The following UTS2 variants were observed in gnomAD, a reference collection of about 807,000 sequenced individuals.
The protein encoded by UTS2 is urotensin 2.
Under a neutral mutation model 12.6 loss-of-function variants are expected in UTS2, and 10 were observed. The ratio of observed to expected loss-of-function variants is 0.80; its 90% CI spans 0.49 to 1.35. The LOEUF (loss-of-function observed/expected upper bound fraction) is 1.35, where lower values mean the gene tolerates loss of function less well. Among genes scored for constraint, UTS2 ranks in the 40% most tolerant of loss-of-function variants. UTS2 has a pLI of 0.00. For missense variants in UTS2, 142 were observed against 143.2 expected (o/e 0.99, Z 0.04); for synonymous variants, 52 against 50.0 (o/e 1.04, Z -0.17).
At chr1:7,891,309 T>C in the UTS2 span, among the ~76,000 whole-genome samples, 9 of 152,076 alleles carry the variant, frequency 5.9e-5, no homozygotes, top group Non-Finnish European at 8.8e-5. Context: ...CCGGATCACC[T>C]GAGGTCAGGA....
chr1:7,904,915 A>AG, the UTS2 span, among the ~76,000 whole-genome samples: 32 of 150,446 alleles, frequency 2.1e-4, no homozygotes, highest in African/African-American at 7.8e-4. Flanking sequence ...AAAAAAAAAA[A>AG]AAAAAAAAAA....
chr1:7,870,314 G>A, the UTS2 span, among the ~76,000 whole-genome samples: 1 of 152,132 alleles, frequency 6.6e-6, no homozygotes. Context: ...GGAGAAGAAG[G>A]CATCTACAAG....
At chr1:7,912,528 A>G in the UTS2 span, among the ~76,000 whole-genome samples, 1 of 152,150 alleles carries the variant, frequency 6.6e-6, no homozygotes, top group Non-Finnish European at 1.5e-5. Context: ...ATCTCAGCTC[A>G]CTACAACCTC....
chr1:7,854,388 TACA>T (rs1638258960), upstream of UTS2, among the ~76,000 whole-genome samples: 1 of 138,158 alleles, frequency 7.2e-6, no homozygotes, highest in Non-Finnish European at 1.6e-5. Flanking sequence ...CTACCAAAAA[TACA>T]ACAATTAACC....
chr1:7,894,230 G>A, the UTS2 span, among the ~76,000 whole-genome samples: 4 of 149,894 alleles, frequency 2.7e-5, no homozygotes, highest in East Asian at 3.9e-4. Flanking sequence ...TCTCCCAGGC[G>A]GGAGTGCAGT....
At chr1:7,900,276 G>A in the UTS2 span, among the ~76,000 whole-genome samples, 1 of 151,628 alleles carries the variant, frequency 6.6e-6, no homozygotes, top group South Asian at 2.1e-4. Flanking sequence ...GTGCATGCCT[G>A]TATTGCCAGC....
chr1:7,909,233 C>T, the UTS2 span, among the ~76,000 whole-genome samples: 899 of 152,198 alleles, frequency 5.9e-3, 5 homozygotes, highest in Non-Finnish European at 0.01. Flanking sequence ...AGCGTATCAG[C>T]GTAGCTTTTT....
the UTS2 span, among the ~76,000 whole-genome samples, chr1:7,892,619 G>C: frequency 6.6e-6 from 1 of 151,424 alleles, no homozygotes. Flanking sequence ...CTGGGATTAC[G>C]GGCACCCTGC....
chr1:7,906,455 GAA>G, the UTS2 span, among the ~76,000 whole-genome samples: 2 of 94,508 alleles, frequency 2.1e-5, no homozygotes, highest in Non-Finnish European at 4.1e-5. Flanking sequence ...AAAAGAGAAA[GAA>G]AGAAAGAAAG....
the UTS2 span, among the ~76,000 whole-genome samples, chr1:7,908,697 A>G: frequency 6.6e-6 from 1 of 152,152 alleles, no homozygotes; most frequent in Non-Finnish European, 1.5e-5. Context: ...TAATAAAGAC[A>G]TAATTGAGAC....
Position 7,850,835 on chromosome 1 carries a change from C to T in UTS2, c.191G>A (p.Arg64Lys). 6.2e-7 allele frequency: 1 copy of T among 1,614,216 alleles called. No homozygotes were observed. Among genetic ancestry groups the T allele is most frequent in the Non-Finnish European group, 8.5e-7 (1 of 1,180,046 alleles). The change falls in exon 2 of 4, where the codon AGA (arginine) becomes AAA (lysine). Residue 64 changes from arginine (R) to lysine (K), a missense_variant. Coordinates refer to ENST00000361696, the MANE Select transcript of UTS2 (RefSeq NM_006786.4). ...QILPEMLGAE[R>K]GDILRKADSS... Reference sequence around the variant, plus strand: ...ACCTGCTTTCCTGAGAATATCCCCTCTTTCTGCACCCAGCATCTCTGGCAG... The same window carrying T: ...ACCTGCTTTCCTGAGAATATCCCCTTTTTCTGCACCCAGCATCTCTGGCAG...
chr1:7,898,816 C>T, the UTS2 span, among the ~76,000 whole-genome samples: 4 of 151,982 alleles, frequency 2.6e-5, no homozygotes, highest in African/African-American at 9.7e-5. Context: ...TTCATCAGTG[C>T]CTGGAAATGT....
At chr1:7,875,788 G>A in the UTS2 span, among the ~76,000 whole-genome samples, 12 of 152,024 alleles carry the variant, frequency 7.9e-5, 1 homozygote, top group South Asian at 4.2e-4. Flanking sequence ...GACCCACTCC[G>A]CCCACCATCA....
chr1:7,894,629 T>C, the UTS2 span, among the ~76,000 whole-genome samples: 36 of 152,154 alleles, frequency 2.4e-4, no homozygotes, highest in Non-Finnish European at 3.5e-4. Flanking sequence ...AATTCCCGTG[T>C]CATTCCAGGG....
intron 2 of UTS2, among the ~76,000 whole-genome samples, chr1:7,850,186 T>C (rs980711566): frequency 1.3e-5 from 2 of 152,006 alleles, no homozygotes; most frequent in Non-Finnish European, 2.9e-5. Context: ...GCCAGGCTGG[T>C]CCTAAACTCC....
upstream of UTS2, chr1:7,853,138 A>C: frequency 5.4e-6 from 8 of 1,476,508 alleles, no homozygotes; most frequent in Non-Finnish European, 7.2e-6. Context: ...AAAAAAAAAA[A>C]AATGAATTTA....
chr1:7,848,720 G>C (rs559551526), intron 3 of UTS2, among the ~76,000 whole-genome samples: 2 of 151,960 alleles, frequency 1.3e-5, no homozygotes, highest in African/African-American at 4.8e-5. Flanking sequence ...GGGTTTCGCT[G>C]TGTTGCCCAG....
chr1:7,882,714 CAGA>C, the UTS2 span, among the ~76,000 whole-genome samples: 1 of 152,148 alleles, frequency 6.6e-6, no homozygotes. Flanking sequence ...AACAACTCAA[CAGA>C]AAACAACAAC....
chr1:7,911,897 T>C, the UTS2 span, among the ~76,000 whole-genome samples: 1 of 60,758 alleles, frequency 1.6e-5, no homozygotes, highest in Non-Finnish European at 2.7e-5. Flanking sequence ...TGAGACTCTG[T>C]CTCAAAAAAA....
Sources: gnomAD v4.1 joint callset for allele counts (sites outside exome capture counted in the v4.1 genomes callset) on GRCh38, gnomAD v4.1.1 for gene constraint, MANE v1.5 for transcripts, NCBI Gene and HGNC (gene_info 2026-07-23, HGNC 2026-07-21) for gene names.